CCDC7: variants seen among roughly 807,000 people sequenced by gnomAD.
CCDC7 encodes the protein coiled-coil domain containing 7, also known as coiled-coil domain-containing protein 7.
In CCDC7, 183 loss-of-function variants were observed where a neutral mutation model predicts 196.9. That is an observed-to-expected ratio of 0.93 (90% CI 0.82 to 1.05). CCDC7 has a LOEUF of 1.05. Among genes scored for constraint, CCDC7 ranks in the 50% least tolerant of loss-of-function variants. CCDC7 has a pLI of 0.00. For synonymous variants in CCDC7, 525 were observed against 484.6 expected, an observed-to-expected ratio of 1.08 and a Z score of -1.10; for missense variants, 1,540 against 1,482.2, an observed-to-expected ratio of 1.04 and a Z score of -0.64.
intron 21 of CCDC7, among the ~76,000 whole-genome samples, chr10:32,673,660 T>TGA (rs2074439458): frequency 6.7e-6 from 1 of 149,224 alleles, no homozygotes; most frequent in African/African-American, 2.4e-5. Context: ...TGCACGTGTG[T>TGA]GTGTGTGTGT....
At chr10:32,827,563 G>A (rs761706245) in intron 32 of CCDC7, among the ~76,000 whole-genome samples, 2 of 149,970 alleles carry the variant, frequency 1.3e-5, no homozygotes, top group Non-Finnish European at 3.0e-5. Context: ...CGGCAGTAGC[G>A]TGTTCTCACT....
chr10:32,541,551 G>A (rs1172856741), intron 11 of CCDC7, among the ~76,000 whole-genome samples: 2 of 152,202 alleles, frequency 1.3e-5, no homozygotes, highest in African/African-American at 4.8e-5. Context: ...AGCTGAGTTC[G>A]GCCCAAAGTG....
intron 28 of CCDC7, among the ~76,000 whole-genome samples, chr10:32,776,509 G>A (rs191487085): frequency 6.6e-6 from 1 of 152,010 alleles, no homozygotes; most frequent in East Asian, 1.9e-4. Context: ...AACAGATTTT[G>A]GAAACTAGAA....
chr10:32,835,977 G>A (rs1481974647), intron 33 of CCDC7, among the ~76,000 whole-genome samples: 1 of 152,008 alleles, frequency 6.6e-6, no homozygotes, highest in Non-Finnish European at 1.5e-5. Context: ...TCATTTTATT[G>A]GCTACCCATT....
exon 15 of CCDC7, chr10:32,567,732 T>C (rs973669076): frequency 6.2e-7 from 1 of 1,612,988 alleles, no homozygotes; most frequent in South Asian, 1.1e-5. Flanking sequence ...TACTTAAAAG[T>C]GAGGGGAAAA....
At chr10:32,682,570 A>G (rs2075990160) in intron 21 of CCDC7, among the ~76,000 whole-genome samples, 1 of 152,168 alleles carries the variant, frequency 6.6e-6, no homozygotes, top group Admixed American at 6.5e-5. Context: ...GAAATTTCCA[A>G]ACTGTTTTCC....
intron 11 of CCDC7, among the ~76,000 whole-genome samples, chr10:32,541,784 G>T (rs1160248958): frequency 6.6e-6 from 1 of 152,230 alleles, no homozygotes; most frequent in African/African-American, 2.4e-5. Context: ...GGTGGAGTTG[G>T]TGGGGGCCCA....
At chr10:32,748,703 CCTT>C (rs1204622848) in intron 28 of CCDC7, among the ~76,000 whole-genome samples, 1 of 151,986 alleles carries the variant, frequency 6.6e-6, no homozygotes, top group Admixed American at 6.6e-5. Context: ...CAGTTTTTTC[CCTT>C]CTTATGTGGG....
In CCDC7 at chr10:32,874,932, AGATTT is replaced by A. The variant is rs568898261; in HGVS notation, c.4112-1414_4112-1410del. Among the ~76,000 whole-genome samples, 177 of 152,072 alleles carry A rather than the reference AGATTT, an allele frequency of 1.2e-3. 1 individual carries two copies. Among genetic ancestry groups the A allele is most frequent in the African/African-American group, 4.0e-3 (167 of 41,550 alleles). ...TAGAATTTTTATGGTTTCAGGTCTT[AGATTT>A]AAGTCTTTAATTCATCTTGAGTCAA... On this transcript the variant is annotated intron_variant, in intron 41 of 41. Transcript: ENST00000639629.
chr10:32,496,930 C>A (rs1433500711), intron 9 of CCDC7, among the ~76,000 whole-genome samples: 1 of 152,246 alleles, frequency 6.6e-6, no homozygotes, highest in South Asian at 2.1e-4. Context: ...AGGATTCTCT[C>A]TTTTTCTATT....
chr10:32,633,234 C>T (rs1375056029), intron 18 of CCDC7, among the ~76,000 whole-genome samples: 1 of 147,254 alleles, frequency 6.8e-6, no homozygotes, highest in Non-Finnish European at 1.5e-5. Context: ...CACACACACA[C>T]ACATTCATAC....
intron 28 of CCDC7, among the ~76,000 whole-genome samples, chr10:32,754,980 G>T (rs1024245854): frequency 2.6e-5 from 4 of 152,170 alleles, no homozygotes; most frequent in South Asian, 4.1e-4. Flanking sequence ...ATCCCGCGCT[G>T]GCTTGGAGGG....
intron 18 of CCDC7, among the ~76,000 whole-genome samples, chr10:32,600,152 T>C (rs1001223073): frequency 6.6e-6 from 1 of 151,028 alleles, no homozygotes; most frequent in Non-Finnish European, 1.5e-5. Flanking sequence ...TTCTGTACAA[T>C]AGGCAGTATG....
intron 24 of CCDC7, among the ~76,000 whole-genome samples, chr10:32,697,112 C>T (rs897930987): frequency 1.3e-5 from 2 of 152,088 alleles, no homozygotes; most frequent in Non-Finnish European, 2.9e-5. Context: ...GAGCCCTGAG[C>T]TTGTTTTCCT....
chr10:32,750,401 G>A (rs2075474815), intron 28 of CCDC7, among the ~76,000 whole-genome samples: 1 of 152,106 alleles, frequency 6.6e-6, no homozygotes, highest in South Asian at 2.1e-4. Flanking sequence ...TAATCTCGAG[G>A]CAGAAAAAGT....
intron 18 of CCDC7, among the ~76,000 whole-genome samples, chr10:32,597,625 C>T (rs897027440): frequency 1.3e-5 from 2 of 152,212 alleles, no homozygotes; most frequent in African/African-American, 4.8e-5. Flanking sequence ...TTCAGCTTTT[C>T]TGCTCTGGTT....
chr10:32,645,985 T>G (rs555249601), intron 20 of CCDC7, among the ~76,000 whole-genome samples: 1 of 152,134 alleles, frequency 6.6e-6, no homozygotes, highest in Admixed American at 6.5e-5. Context: ...AAAATACAGC[T>G]TTTTGTTTTG....
intron 29 of CCDC7, among the ~76,000 whole-genome samples, chr10:32,797,246 T>C (rs1034540318): frequency 6.6e-6 from 1 of 150,958 alleles, no homozygotes; most frequent in African/African-American, 2.4e-5. Context: ...TATATATGCG[T>C]ATATATATGT....
chr10:32,483,683 G>A (rs1269971462), intron 8 of CCDC7, among the ~76,000 whole-genome samples: 1 of 152,148 alleles, frequency 6.6e-6, no homozygotes, highest in African/African-American at 2.4e-5. Context: ...TAAGGTGTAA[G>A]GAAGGGATCC....
Sources: allele counts gnomAD v4.1 joint callset (sites outside exome capture counted in the v4.1 genomes callset), GRCh38; gene constraint gnomAD v4.1.1; transcripts MANE v1.5; gene names NCBI Gene and HGNC (gene_info 2026-07-23, HGNC 2026-07-21).